The following KLHDC3 variants were observed in gnomAD, a reference collection of about 807,000 sequenced individuals.
The protein encoded by KLHDC3 is kelch domain-containing protein 3.
KLHDC3 carries 5 observed loss-of-function variants against 44.1 expected under a neutral mutation model. The observed-to-expected ratio is 0.11, with a 90% CI of 0.06 to 0.24. KLHDC3 has a LOEUF of 0.24. KLHDC3 is among the 10% of genes least tolerant of loss of function. The pLI is 1.00. For missense variants in KLHDC3, 247 were observed against 514.3 expected (o/e 0.48, Z 5.03); for synonymous variants, 170 against 189.0 (o/e 0.90, Z 0.82).
At position 43,017,066 on chromosome 6, in the gene KLHDC3, T is replaced by C; in HGVS notation, c.-59-68T>C. ...GACACTTGGAGGCAAAGGCTGGTTCTGGGCAGAGTCACAGTGAGCTGGGCA... is the reference window on the plus strand; with the variant it reads ...GACACTTGGAGGCAAAGGCTGGTTCCGGGCAGAGTCACAGTGAGCTGGGCA... On this transcript the variant is annotated intron_variant, in intron 1 of 10. Coordinates refer to ENST00000326974, the MANE Select transcript of KLHDC3 (RefSeq NM_057161.4). This position sits in a 1 kb window ranked among gnomAD's most constrained non-coding sequence, Gnocchi z 6.0. 1.8e-6 allele frequency: 2 copies of C among 1,135,190 alleles called. No homozygotes were observed. The highest frequency in any genetic ancestry group is 2.5e-6 in the Non-Finnish European group (2 of 790,796). The allele number at this position is 1,135,190 out of a possible 1,614,324, so 70.3% of individuals were successfully genotyped here.
At position 43,017,153 on chromosome 6, in the gene KLHDC3, G is replaced by C. The variant is rs570843542; in HGVS notation, c.-40G>C. 1.3e-6 allele frequency: 2 copies of C among 1,594,892 alleles called. No individual in the cohort carries two copies. The highest frequency in any genetic ancestry group is 2.7e-5 in the African/African-American group (2 of 74,760). On this transcript the variant is annotated 5_prime_UTR_variant, in exon 2 of 11. Coordinates refer to ENST00000326974, the MANE Select transcript of KLHDC3 (RefSeq NM_057161.4). This position sits in a 1 kb window ranked among gnomAD's most constrained non-coding sequence, Gnocchi z 6.0. ...GTGCAGATAGCAGAGGCAGCAGGCC[G>C]TGCCGGGGGGGCATGTTGCTGTAAC...
Position 43,018,838 on chromosome 6 carries a change from A to G in KLHDC3, c.821-25A>G. On this transcript the variant is annotated intron_variant, in intron 7 of 10. Transcript: ENST00000326974. This position sits in a 1 kb window ranked among gnomAD's most constrained non-coding sequence, Gnocchi z 6.0. ...AGATACCTGGACTAGGCAGGTATTG[A>G]ACTTCCATATAAATTTCTCTTCAGT... The G allele has an allele frequency of 6.3e-7, 1 of 1,581,342 alleles. No homozygotes were observed. The highest frequency in any genetic ancestry group is 8.7e-7 in the Non-Finnish European group (1 of 1,151,948).
At chr6:43,016,822 GC>G (rs992795090) in intron 1 of KLHDC3, 2 of 239,522 alleles carry the variant, frequency 8.3e-6, no homozygotes, top group South Asian at 1.5e-4. Flanking sequence ...TCAAGTTTGT[GC>G]CAAGCCAGGG....
chr6:43,018,999 G>A lies in KLHDC3; in HGVS notation c.929+28G>A. ...TAGAAGGAGAGAGGGAAGGGGCTCA[G>A]GGAAGTCACTAATGGGAGAGTGGGA... is the stretch of plus-strand genomic sequence containing the variant. On this transcript the variant is annotated intron_variant, in intron 8 of 10. Coordinates refer to ENST00000326974, the MANE Select transcript of KLHDC3 (RefSeq NM_057161.4). This position sits in a 1 kb window ranked among gnomAD's most constrained non-coding sequence, Gnocchi z 6.0. 2 of 1,580,948 alleles carry A rather than the reference G, an allele frequency of 1.3e-6. No individual in the cohort carries two copies. Among genetic ancestry groups the A allele is most frequent in the Non-Finnish European group, 1.7e-6 (2 of 1,152,166 alleles).
In KLHDC3 at chr6:43,017,925, T is replaced by C; in HGVS notation, c.404T>C (p.Val135Ala). The C allele has an allele frequency of 6.2e-7, 1 of 1,614,066 alleles. No homozygotes were observed. The highest frequency in any genetic ancestry group is 1.1e-5 in the South Asian group (1 of 91,078). Reference sequence around the variant, plus strand: ...GCCCGGGATGGACATTCAGCCTGTGTCCTAGGCAAGATCATGTACATTTTT... The same window carrying C: ...GCCCGGGATGGACATTCAGCCTGTGCCCTAGGCAAGATCATGTACATTTTT... Reference protein sequence around the residue: ...PGARDGHSACVLGKIMYIFGG... With the variant: ...PGARDGHSACALGKIMYIFGG... Residue 135 changes from valine to alanine, a missense_variant, in exon 4 of 11, where the codon GTC becomes GCC. Coordinates refer to ENST00000326974, the MANE Select transcript of KLHDC3 (RefSeq NM_057161.4). The surrounding 1 kb of genome is among the most constrained non-coding windows in gnomAD (Gnocchi z 6.0).
chr6:43,021,244 T>G lies in KLHDC3; in HGVS notation c.*511T>G. The G allele has an allele frequency of 2.7e-6, 1 of 368,024 alleles. No individual in the cohort carries two copies. The highest frequency in any genetic ancestry group is 2.0e-5 in the South Asian group (1 of 49,154). The allele number at this position is 368,024 out of a possible 1,614,324, so 22.8% of individuals were successfully genotyped here. A position where few individuals can be genotyped will look rare whatever the true frequency, so the allele number is the denominator to read the frequency against. ...ACCCTTCCTTGAGCTGTCGCTGTAC[T>G]CTGAAGTTCAGCCAGCTCAGATTTT... On this transcript the variant is annotated 3_prime_UTR_variant, in exon 11 of 11. Coordinates refer to ENST00000326974, the MANE Select transcript of KLHDC3 (RefSeq NM_057161.4).
In KLHDC3 at chr6:43,018,526, C is replaced by T; in HGVS notation, c.703C>T (p.Leu235=). 6.2e-7 allele frequency: 1 copy of T among 1,614,156 alleles called. No individual in the cohort carries two copies. Among genetic ancestry groups the T allele is most frequent in the East Asian group, 2.2e-5 (1 of 44,878 alleles). ...AWLDCPPTPV[L]PEGRRSHSAF... is the part of the protein sequence containing the mutation. ...GCTGGACTGTCCCCCGACTCCAGTGCTGCCTGAGGGGCGCCGGAGCCACTC... is the reference window on the plus strand; with the variant it reads ...GCTGGACTGTCCCCCGACTCCAGTGTTGCCTGAGGGGCGCCGGAGCCACTC... Residue 235 remains leucine (L), a synonymous_variant, in exon 6 of 11, where the codon CTG becomes TTG. Transcript: ENST00000326974. This position sits in a 1 kb window ranked among gnomAD's most constrained non-coding sequence, Gnocchi z 6.0.
Position 43,014,328 on chromosome 6 carries a change from C to T in KLHDC3, c.-80C>T. On this transcript the variant is annotated 5_prime_UTR_variant, in exon 1 of 11. Coordinates refer to ENST00000326974, the MANE Select transcript of KLHDC3 (RefSeq NM_057161.4). ...CAGGCAGCTCGAGGACCCGCGGCCC[C>T]GCCCCGGCTCGGCCTGGCAGGTAGC... The T allele has an allele frequency of 1.6e-6, 1 of 621,938 alleles. No individual in the cohort carries two copies. The highest frequency in any genetic ancestry group is 2.7e-5 in the Admixed American group (1 of 36,656). 38.5% of individuals were successfully genotyped at this position (621,938 alleles called of 1,614,324 possible).
At position 43,021,128 on chromosome 6, in the gene KLHDC3, G is replaced by A. The variant is rs1762687472; in HGVS notation, c.*395G>A. ...CCCCTCCCCTCTGCTTGAGCCTTGAGCCTTGACTGGGAGCTGAAAGGAGTT... is the reference window on the plus strand; with the variant it reads ...CCCCTCCCCTCTGCTTGAGCCTTGAACCTTGACTGGGAGCTGAAAGGAGTT... On this transcript the variant is annotated 3_prime_UTR_variant, in exon 11 of 11. Transcript: ENST00000326974. 1 of 471,286 alleles carries A rather than the reference G, an allele frequency of 2.1e-6. No individual in the cohort carries two copies. Among genetic ancestry groups the A allele is most frequent in the Non-Finnish European group, 4.2e-6 (1 of 237,340 alleles). The allele number at this position is 471,286 out of a possible 1,614,324, so 29.2% of individuals were successfully genotyped here.
At chr6:43,020,485 G>A (rs1762665642) in intron 10 of KLHDC3, among the ~76,000 whole-genome samples, 182 bp from the exon 11 acceptor site, 1 of 152,032 alleles carries the variant, frequency 6.6e-6, no homozygotes, top group Non-Finnish European at 1.5e-5. Context: ...GGGTGGTGTT[G>A]GATTTGGTGG....
intron 1 of KLHDC3, 89 bp downstream of exon 1, chr6:43,014,437 A>G (rs1581872880): frequency 2.4e-5 from 8 of 334,504 alleles, no homozygotes; most frequent in African/African-American, 4.9e-5. Context: ...GGGGCCTGAG[A>G]GTGATGAGGT....
Position 43,018,744 on chromosome 6 carries a change from G to A in KLHDC3, c.820+25G>A, listed in dbSNP as rs1762632414. ...GGTAAAGAGCACTGCATTTAGGGCA[G>A]GAACAAGGAGCAATTGAGGTGGGAG... is the stretch of plus-strand genomic sequence containing the variant. On this transcript the variant is annotated intron_variant, in intron 7 of 10. Coordinates refer to ENST00000326974, the MANE Select transcript of KLHDC3 (RefSeq NM_057161.4). This position sits in a 1 kb window ranked among gnomAD's most constrained non-coding sequence, Gnocchi z 6.0. 1 of 1,602,452 alleles carries A rather than the reference G, an allele frequency of 6.2e-7. No individual in the cohort carries two copies. Among genetic ancestry groups the A allele is most frequent in the Non-Finnish European group, 8.6e-7 (1 of 1,169,394 alleles).
intron 10 of KLHDC3, among the ~76,000 whole-genome samples, chr6:43,019,790 T>G (rs1762650049): frequency 6.6e-6 from 1 of 152,200 alleles, no homozygotes; most frequent in Non-Finnish European, 1.5e-5. Flanking sequence ...GTATAATTTT[T>G]CAGGTTCAAA....
rs1762605624 is a variant in KLHDC3, at chr6:43,017,515, A to G, written c.155-4A>G. 1.3e-6 allele frequency: 2 copies of G among 1,589,708 alleles called. No individual in the cohort carries two copies. The highest frequency in any genetic ancestry group is 8.6e-7 in the Non-Finnish European group (1 of 1,165,928). ...CCCAGGGCTGAGCAGAGCTGTGCCC[A>G]CAGTGTCCTTGCGTTGGACAAAGCT... is the stretch of plus-strand genomic sequence containing the variant. On this transcript the variant is annotated splice_polypyrimidine_tract_variant and splice_region_variant and intron_variant, in intron 2 of 10. Transcript: ENST00000326974. This position sits in a 1 kb window ranked among gnomAD's most constrained non-coding sequence, Gnocchi z 6.0.
In KLHDC3 at chr6:43,016,822, G is replaced by C. The variant is rs530786846; in HGVS notation, c.-59-312G>C. 372 of 239,638 alleles carry C rather than the reference G, an allele frequency of 1.6e-3. 2 individuals are homozygous for C. Among genetic ancestry groups the C allele is most frequent in the Admixed American group, 2.1e-3 (42 of 19,976 alleles). 14.8% of individuals were successfully genotyped at this position (239,638 alleles called of 1,614,324 possible). ...TTTGGGAAGGGGGCTTCAAGTTTGT[G>C]CCAAGCCAGGGACAGAGTGGAGCCT... On this transcript the variant is annotated intron_variant, in intron 1 of 10. Coordinates refer to ENST00000326974, the MANE Select transcript of KLHDC3 (RefSeq NM_057161.4).
chr6:43,015,616 G>A (rs1762549639), intron 1 of KLHDC3, among the ~76,000 whole-genome samples: 1 of 152,092 alleles, frequency 6.6e-6, no homozygotes, highest in African/African-American at 2.4e-5. Flanking sequence ...TCAGGAGACC[G>A]AGGACGGTGG....
Position 43,021,047 on chromosome 6 carries a change from AG to A in KLHDC3, c.*317del, listed in dbSNP as rs1486561561. 5.6e-6 allele frequency: 3 copies of A among 535,780 alleles called. No homozygotes were observed. The highest frequency in any genetic ancestry group is 7.2e-6 in the Non-Finnish European group (2 of 278,654). The allele number at this position is 535,780 out of a possible 1,614,324, so 33.2% of individuals were successfully genotyped here. On this transcript the variant is annotated 3_prime_UTR_variant, in exon 11 of 11. Transcript: ENST00000326974. ...CTGGGAAGGGAAGGGAATGGGGAGA[AG>A]GGAGAAGCAAGCAGTGTCTGAGCCT...
In KLHDC3 at chr6:43,018,069, T is replaced by C. The variant is rs1762617476; in HGVS notation, c.448-76T>C. On this transcript the variant is annotated intron_variant, in intron 4 of 10. Transcript: ENST00000326974. This position sits in a 1 kb window ranked among gnomAD's most constrained non-coding sequence, Gnocchi z 6.0. Reference sequence around the variant, plus strand: ...GGGAGGCTTTGGCTTGTTTGCAGGTTTTGAGGGGAGGGATGGAGGGTCAGA... The same window carrying C: ...GGGAGGCTTTGGCTTGTTTGCAGGTCTTGAGGGGAGGGATGGAGGGTCAGA... 2 of 1,441,882 alleles carry C rather than the reference T, an allele frequency of 1.4e-6. No individual in the cohort carries two copies. The highest frequency in any genetic ancestry group is 3.3e-5 in the Admixed American group (2 of 59,772). 89.3% of individuals were successfully genotyped at this position (1,441,882 alleles called of 1,614,324 possible). A position where few individuals can be genotyped will look rare whatever the true frequency, so the allele number is the denominator to read the frequency against.
chr6:43,014,510 TA>T (rs1203008833), intron 1 of KLHDC3, 162 bp downstream of exon 1: 2 of 473,954 alleles, frequency 4.2e-6, no homozygotes, highest in Non-Finnish European at 8.3e-6. Flanking sequence ...AAAGCAGGGC[TA>T]GGGGAGGATG....
Sources: allele counts gnomAD v4.1 joint callset (sites outside exome capture counted in the v4.1 genomes callset), GRCh38; gene constraint gnomAD v4.1.1; non-coding constraint Gnocchi (gnomAD v3.1); transcripts MANE v1.5; gene names NCBI Gene and HGNC (gene_info 2026-07-23, HGNC 2026-07-21).